Variants in CDH17 observed in about 807,000 individuals in gnomAD.
CDH17 encodes the protein cadherin-17.
A neutral mutation model predicts 86.3 loss-of-function variants in CDH17; 67 were observed. The observed-to-expected ratio is 0.78, with a 90% CI of 0.64 to 0.95. CDH17 has a LOEUF of 0.95. CDH17 is among the 40% of genes least tolerant of loss of function. The pLI is 0.00. For missense variants in CDH17, 993 were observed against 1,017.6 expected (o/e 0.98, Z 0.33); for synonymous variants, 367 against 366.4 (o/e 1.00, Z -0.02).
At chr8:94,178,856 A>G (rs1345607890) in intron 3 of CDH17, among the ~76,000 whole-genome samples, 1 of 152,146 alleles carries the variant, frequency 6.6e-6, no homozygotes, top group Non-Finnish European at 1.5e-5. Flanking sequence ...TGTTTATATA[A>G]TAAATGAACA....
intron 1 of CDH17, among the ~76,000 whole-genome samples, chr8:94,207,465 G>A (rs1287024693): frequency 6.6e-6 from 1 of 152,120 alleles, no homozygotes; most frequent in Admixed American, 6.5e-5. Context: ...TGATGAAACT[G>A]GCCTAACCCA....
chr8:94,168,120 A>ATGTATATATATATATATATATATACG (rs1554587688), intron 9 of CDH17, among the ~76,000 whole-genome samples: 1 of 30,402 alleles, frequency 3.3e-5, no homozygotes, highest in African/African-American at 1.2e-4. Context: ...ATATATATAT[A>ATGTATATATATATATATATATATACG]TATATATATA....
rs1384998698 is a variant in CDH17, at chr8:94,138,921, T to C, written c.2167+7007A>G. Among the ~76,000 whole-genome samples, 60 of 152,190 alleles carry C rather than the reference T, an allele frequency of 3.9e-4. 1 individual carries two copies. Among genetic ancestry groups the C allele is most frequent in the Admixed American group, 3.9e-3 (59 of 15,270 alleles). Reference sequence around the variant, plus strand: ...TATTTCACAATAAAGTTCAAGAATATTTATGGGAATACAAAATATTCAGCA... The same window carrying C: ...TATTTCACAATAAAGTTCAAGAATACTTATGGGAATACAAAATATTCAGCA... On this transcript the variant is annotated intron_variant, in intron 15 of 17. Coordinates refer to ENST00000027335, the MANE Select transcript of CDH17 (RefSeq NM_004063.4).
At position 94,128,311 on chromosome 8, in the gene CDH17, T is replaced by C; in HGVS notation, c.2428A>G (p.Ile810Val). ...GIILAVVFIR[I>V]KKDKGKDNVE... ...TTATCTTTGCCTTTATCCTTCTTTA[T>C]GCGGATAAACACAACTGCTAAAATT... The change falls in exon 18 of 18, where the codon ATA (isoleucine) becomes GTA (valine). Residue 810 changes from isoleucine (I) to valine (V), a missense_variant. By Grantham distance (29) the Ile-to-Val change is conservative. Coordinates refer to ENST00000027335, the MANE Select transcript of CDH17 (RefSeq NM_004063.4). 2.5e-6 allele frequency: 4 copies of C among 1,612,610 alleles called. No individual in the cohort carries two copies. The African/African-American group carries it at 4.0e-5, about 16-fold the overall frequency.
intron 9 of CDH17, among the ~76,000 whole-genome samples, chr8:94,169,116 G>A (rs1293109052): frequency 6.6e-6 from 1 of 152,114 alleles, no homozygotes; most frequent in Non-Finnish European, 1.5e-5. Flanking sequence ...TGTAAAAGAG[G>A]CTTGAAGTGT....
rs550005026 is a variant in CDH17, at chr8:94,191,749, C to T, written c.52-2464G>A. ...GATTACAGGCATGAGCAACCATGCC[C>T]GGCCAAGAAAATGCATCCTTAACTC... On this transcript the variant is annotated intron_variant, in intron 2 of 17. Transcript: ENST00000027335. Among the ~76,000 whole-genome samples the T allele has an allele frequency of 5.9e-5, 9 of 152,302 alleles. No homozygotes were observed. In the South Asian group the frequency reaches 1.0e-3, roughly 18 times the overall value.
chr8:94,203,701 A>G (rs1813966376), intron 1 of CDH17, among the ~76,000 whole-genome samples: 1 of 152,236 alleles, frequency 6.6e-6, no homozygotes, highest in Admixed American at 6.5e-5. Context: ...TAAAGTGGCC[A>G]TTAATAAGCT....
At chr8:94,137,436 C>T (rs1313313652) in intron 15 of CDH17, among the ~76,000 whole-genome samples, 1 of 152,174 alleles carries the variant, frequency 6.6e-6, no homozygotes, top group Non-Finnish European at 1.5e-5. Context: ...GGGCACGGGA[C>T]CTGCCAAGCC....
At chr8:94,152,581 AG>A (rs766022091) in intron 12 of CDH17, among the ~76,000 whole-genome samples, 2 of 152,166 alleles carry the variant, frequency 1.3e-5, no homozygotes, top group Non-Finnish European at 2.9e-5. Flanking sequence ...TATTTTTAAT[AG>A]AGACAGGGTT....
Position 94,176,680 on chromosome 8 carries a change from C to T in CDH17, c.286-1G>A, listed in dbSNP as rs1813381739. The T allele has an allele frequency of 1.9e-6, 3 of 1,609,218 alleles. No homozygotes were observed. The highest frequency in any genetic ancestry group is 2.5e-6 in the Non-Finnish European group (3 of 1,178,284). ...TTCCATTAGCGTCCAGGGCTGCAAC[C>T]TGATGTTGAGGAAAAGGAAACCATG... On this transcript the variant is annotated splice_acceptor_variant, in intron 4 of 17. Transcript: ENST00000027335. LOFTEE classifies it high-confidence loss of function.
intron 9 of CDH17, among the ~76,000 whole-genome samples, chr8:94,169,332 T>C (rs1032908811): frequency 6.6e-6 from 1 of 151,800 alleles, no homozygotes; most frequent in Admixed American, 6.6e-5. Context: ...TTGAGAAAAA[T>C]GAAACAGAGA....
chr8:94,178,246 T>C (rs1813411531), intron 3 of CDH17, among the ~76,000 whole-genome samples: 1 of 152,198 alleles, frequency 6.6e-6, no homozygotes, highest in African/African-American at 2.4e-5. Context: ...ATATCACTTT[T>C]AAGACCACAG....
At chr8:94,162,370 T>C (rs1023464428) in intron 10 of CDH17, among the ~76,000 whole-genome samples, 3 of 152,176 alleles carry the variant, frequency 2.0e-5, no homozygotes, top group African/African-American at 7.2e-5. Context: ...TAAAGACAGA[T>C]CTAAGAGAGA....
chr8:94,175,427 A>G (rs1813353852), intron 5 of CDH17, among the ~76,000 whole-genome samples: 1 of 152,204 alleles, frequency 6.6e-6, no homozygotes, highest in Non-Finnish European at 1.5e-5. Flanking sequence ...GGAGGCAGGC[A>G]TTGAAGAAAG....
chr8:94,190,599 A>G (rs918781421), intron 2 of CDH17, among the ~76,000 whole-genome samples: 1 of 152,254 alleles, frequency 6.6e-6, no homozygotes, highest in Non-Finnish European at 1.5e-5. Flanking sequence ...GATTGAAATC[A>G]GAAGCATGAT....
At chr8:94,136,014 G>A (rs1812516534) in intron 15 of CDH17, among the ~76,000 whole-genome samples, 1 of 152,156 alleles carries the variant, frequency 6.6e-6, no homozygotes, top group South Asian at 2.1e-4. Context: ...GGTTTCTGTA[G>A]AGAGATCCAC....
At chr8:94,165,019 C>CT (rs946265726) in intron 10 of CDH17, among the ~76,000 whole-genome samples, 2 of 152,208 alleles carry the variant, frequency 1.3e-5, no homozygotes, top group African/African-American at 2.4e-5. Context: ...TAAGATAGAA[C>CT]TTTCCGAAAG....
intron 5 of CDH17, among the ~76,000 whole-genome samples, chr8:94,174,643 T>C (rs1026850703): frequency 1.3e-5 from 2 of 152,230 alleles, no homozygotes; most frequent in Admixed American, 1.3e-4. Context: ...AGTTTGGGTA[T>C]AGTACTAAAG....
chr8:94,191,023 A>G (rs991432012), intron 2 of CDH17, among the ~76,000 whole-genome samples: 21 of 152,174 alleles, frequency 1.4e-4, no homozygotes, highest in Admixed American at 6.5e-4. Context: ...TCCTCCCACC[A>G]CAGAGACCGG....
Sources: allele counts gnomAD v4.1 joint callset (sites outside exome capture counted in the v4.1 genomes callset), GRCh38; gene constraint gnomAD v4.1.1; transcripts MANE v1.5; gene names NCBI Gene and HGNC (gene_info 2026-07-23, HGNC 2026-07-21).